ASTN1: variants seen among roughly 807,000 people sequenced by gnomAD.
ASTN1 encodes the protein astrotactin-1.
In ASTN1, 41 loss-of-function variants were observed where a neutral mutation model predicts 140.7. The ratio of observed to expected loss-of-function variants is 0.29; its 90% CI spans 0.23 to 0.38. The LOEUF (loss-of-function observed/expected upper bound fraction) is 0.38, where lower values mean the gene tolerates loss of function less well. Ranked by LOEUF, ASTN1 falls within the 10% of genes least tolerant of loss-of-function variation. The probability of loss-of-function intolerance (pLI) is 1.00; values close to 1 mark genes in which losing one functional copy is unlikely to be tolerated. For synonymous variants in ASTN1, 640 were observed against 652.2 expected (o/e 0.98, Z 0.29); for missense variants, 1,479 against 1,678.8 (o/e 0.88, Z 2.08).
intron 8 of ASTN1, among the ~76,000 whole-genome samples, chr1:176,979,514 AC>A (rs1673513951): frequency 6.6e-6 from 1 of 151,446 alleles, no homozygotes; most frequent in Non-Finnish European, 1.5e-5. Flanking sequence ...CTGTCTTTTT[AC>A]CCCCTTGTAT....
At chr1:176,938,275 T>G (rs1477938742) in intron 14 of ASTN1, among the ~76,000 whole-genome samples, 1 of 152,242 alleles carries the variant, frequency 6.6e-6, no homozygotes, top group Non-Finnish European at 1.5e-5. Flanking sequence ...GTATATTTTA[T>G]TAGAGCATAA....
intron 16 of ASTN1, among the ~76,000 whole-genome samples, chr1:176,917,170 A>T (rs1488097383): frequency 2.6e-4 from 40 of 152,088 alleles, no homozygotes; most frequent in Admixed American, 2.6e-3. Context: ...CCCCTGTCAT[A>T]CCTCATTGTA....
chr1:176,920,603 G>A (rs541493500), intron 16 of ASTN1, among the ~76,000 whole-genome samples: 7 of 152,276 alleles, frequency 4.6e-5, no homozygotes, highest in Non-Finnish European at 1.0e-4. Flanking sequence ...CCCAAGAAAT[G>A]GGATGAACTA....
At position 177,149,307 on chromosome 1, in the gene ASTN1, A is replaced by AAT. The variant is rs531617501; in HGVS notation, c.283+15085_283+15086dup. ...ATATATATATAGTATATATATAGTA[A>AAT]ATATATATATAGTATATATATAGTA... On this transcript the variant is annotated intron_variant, in intron 1 of 22. Transcript: ENST00000361833. Among the ~76,000 whole-genome samples the AAT allele has an allele frequency of 5.8e-5, 5 of 85,780 alleles. No homozygotes were observed. In the South Asian group the frequency reaches 1.4e-3, roughly 25 times the overall value. 56.3% of individuals were successfully genotyped at this position (85,780 alleles called of 152,430 possible). A position where few individuals can be genotyped will look rare whatever the true frequency, so the allele number is the denominator to read the frequency against.
chr1:176,963,374 T>G (rs765850475), intron 9 of ASTN1, among the ~76,000 whole-genome samples: 14 of 152,102 alleles, frequency 9.2e-5, no homozygotes, highest in Non-Finnish European at 1.6e-4. Flanking sequence ...GATGCCAGAG[T>G]GGTTTCTATT....
chr1:177,045,685 T>C (rs192539402), intron 2 of ASTN1, among the ~76,000 whole-genome samples: 1 of 152,326 alleles, frequency 6.6e-6, no homozygotes, highest in Admixed American at 6.5e-5. Flanking sequence ...TCCTACCTTT[T>C]GGTGTCTTTA....
chr1:176,945,924 A>T lies in ASTN1; in HGVS notation c.2249+2T>A. 6.2e-7 allele frequency: 1 copy of T among 1,605,878 alleles called. No individual in the cohort carries two copies. Among genetic ancestry groups the T allele is most frequent in the Non-Finnish European group, 8.5e-7 (1 of 1,175,070 alleles). Reference sequence around the variant, plus strand: ...AATCAGTTCTATGTATATGAGGTTTACCTGAATGTTCCTTTCAGCACCTGT... The same window carrying T: ...AATCAGTTCTATGTATATGAGGTTTTCCTGAATGTTCCTTTCAGCACCTGT... On this transcript the variant is annotated splice_donor_variant, in intron 13 of 22. Coordinates refer to ENST00000361833, the MANE Select transcript of ASTN1 (RefSeq NM_004319.3). LOFTEE classifies it high-confidence loss of function.
chr1:177,123,880 T>C (rs929159764), intron 1 of ASTN1, among the ~76,000 whole-genome samples: 3 of 152,194 alleles, frequency 2.0e-5, no homozygotes, highest in African/African-American at 7.2e-5. Flanking sequence ...AGTGGCCGAT[T>C]AGCAAAGAAA....
At chr1:176,931,406 C>T (rs556411982) in intron 16 of ASTN1, among the ~76,000 whole-genome samples, 150 of 152,192 alleles carry the variant, frequency 9.9e-4, no homozygotes, top group Middle Eastern at 6.8e-3. Context: ...GCGGAGGTTG[C>T]GGTGAGCCGA....
intron 14 of ASTN1, among the ~76,000 whole-genome samples, chr1:176,937,356 C>T (rs1397529904): frequency 6.6e-6 from 1 of 152,208 alleles, no homozygotes. Context: ...ATCTCTGTGC[C>T]AGACATTGTG....
At chr1:177,043,516 A>G (rs994022385) in intron 2 of ASTN1, among the ~76,000 whole-genome samples, 2 of 152,232 alleles carry the variant, frequency 1.3e-5, no homozygotes, top group African/African-American at 4.8e-5. Context: ...ACTTGTATAC[A>G]TTGCTTTGTG....
At chr1:177,066,649 T>C (rs1214814980) in intron 1 of ASTN1, among the ~76,000 whole-genome samples, 1 of 152,170 alleles carries the variant, frequency 6.6e-6, no homozygotes, top group Non-Finnish European at 1.5e-5. Flanking sequence ...AAACACATCA[T>C]GTCAGGATCA....
chr1:176,963,721 C>A (rs562402111), intron 9 of ASTN1, among the ~76,000 whole-genome samples: 1 of 152,174 alleles, frequency 6.6e-6, no homozygotes, highest in Non-Finnish European at 1.5e-5. Context: ...GGGAACTTAT[C>A]CATGTCAATC....
At chr1:176,915,299 A>G (rs1320144736) in intron 16 of ASTN1, among the ~76,000 whole-genome samples, 1 of 152,030 alleles carries the variant, frequency 6.6e-6, no homozygotes, top group Non-Finnish European at 1.5e-5. Context: ...CAATATTCTC[A>G]TTAACTTGTT....
Position 176,862,629 on chromosome 1 carries a change from A to T in ASTN1, c.*1655T>A. 1 of 960,158 alleles carries T rather than the reference A, an allele frequency of 1.0e-6. No homozygotes were observed. Among genetic ancestry groups the T allele is most frequent in the South Asian group, 4.8e-5 (1 of 20,776 alleles). 59.5% of individuals were successfully genotyped at this position (960,158 alleles called of 1,614,324 possible). A position where few individuals can be genotyped will look rare whatever the true frequency, so the allele number is the denominator to read the frequency against. On this transcript the variant is annotated 3_prime_UTR_variant, in exon 23 of 23. Transcript: ENST00000361833. ...ACCAACAGCCTGAAATCACACTGAA[A>T]CTCAGTGTGAGTTACAGTGCACAAG... is the stretch of plus-strand genomic sequence containing the variant.
intron 1 of ASTN1, among the ~76,000 whole-genome samples, chr1:177,124,384 A>G (rs1462309382): frequency 1.3e-5 from 2 of 152,314 alleles, no homozygotes; most frequent in Admixed American, 1.3e-4. Flanking sequence ...TCTCACTCCA[A>G]GTCTTTCCTC....
chr1:177,144,315 C>A (rs185968328), intron 1 of ASTN1, among the ~76,000 whole-genome samples: 52 of 150,750 alleles, frequency 3.4e-4, no homozygotes, highest in Non-Finnish European at 5.8e-4. Context: ...TGCAGTGGCG[C>A]GATCTCGGCT....
At chr1:177,009,924 G>A (rs1211920636) in intron 8 of ASTN1, among the ~76,000 whole-genome samples, 1 of 152,090 alleles carries the variant, frequency 6.6e-6, no homozygotes, top group East Asian at 1.9e-4. Flanking sequence ...CTCTGTATCT[G>A]AGATGCCAGA....
intron 16 of ASTN1, among the ~76,000 whole-genome samples, chr1:176,895,451 A>G (rs1470858492): frequency 1.3e-5 from 2 of 152,226 alleles, no homozygotes; most frequent in East Asian, 3.8e-4. Context: ...TCCCACAGCT[A>G]GTAGATTGTG....
Sources: gnomAD v4.1 joint callset for allele counts (sites outside exome capture counted in the v4.1 genomes callset) on GRCh38, gnomAD v4.1.1 for gene constraint, MANE v1.5 for transcripts, NCBI Gene and HGNC (gene_info 2026-07-23, HGNC 2026-07-21) for gene names.